Variants in ACBD5 observed in about 807,000 individuals in gnomAD.
ACBD5 encodes the protein acyl-CoA binding domain containing 5.
ACBD5 carries 40 observed loss-of-function variants against 71.8 expected under a neutral mutation model. The observed-to-expected ratio is 0.56, with a 90% CI of 0.43 to 0.72. The LOEUF is 0.72. Among genes scored for constraint, ACBD5 ranks in the 30% least tolerant of loss-of-function variants. ACBD5 has a pLI of 0.00. For missense variants in ACBD5, 559 were observed against 644.5 expected (o/e 0.87, Z 1.44); for synonymous variants, 229 against 218.6 (o/e 1.05, Z -0.42).
chr10:27,206,090 CAG>C, intron 10 of ACBD5, among the ~76,000 whole-genome samples: 1 of 151,882 alleles, frequency 6.6e-6, no homozygotes. Flanking sequence ...TTGGTAGACA[CAG>C]GGTCTTGCCA....
Position 27,235,107 on chromosome 10 carries a change from A to T in ACBD5, c.287T>A (p.Ile96Asn). The T allele has an allele frequency of 6.2e-7, 1 of 1,613,980 alleles. No individual in the cohort carries two copies. The highest frequency in any genetic ancestry group is 1.1e-5 in the South Asian group (1 of 91,078). The stretch of plus-strand genomic sequence containing the variant: ...AAAAAATTACCATTTATATCTTCCA[A>T]TAGGATCCCAAAATCCAGGCCTTGA... ...KLSRPGFWDP[I>N]GRYKWDAWSS... is the part of the protein sequence containing the mutation. Residue 96 changes from isoleucine to asparagine, a missense_variant, in exon 3 of 13, where the codon ATT becomes AAT. By Grantham distance (149) the Ile-to-Asn change is moderately radical (BLOSUM62 -3). Transcript: ENST00000396271.
rs577071045 is a variant in ACBD5 at position 27,204,544 on chromosome 10, T to C, written c.1461A>G (p.Pro487=). 5 of 1,613,358 alleles carry C rather than the reference T, an allele frequency of 3.1e-6. No individual in the cohort carries two copies. The highest frequency in any genetic ancestry group is 2.7e-5 in the African/African-American group (2 of 75,026). Residue 487 remains proline, a synonymous_variant, in exon 12 of 13, where the codon CCA becomes CCG. Coordinates refer to ENST00000396271, the MANE Select transcript of ACBD5 (RefSeq NM_145698.5). ...GAGACATCTCGAAGGGCCACCAAGA[T>C]GGTCTCTGAGAAAATACAATAAGCT... ...QTAPQPTSQR[P]SWWPFEMSPG...
At chr10:27,194,655 G>A (rs2059237645), downstream of ACBD5, among the ~76,000 whole-genome samples, 2 of 87,196 alleles carry the variant, frequency 2.3e-5, no homozygotes, top group Admixed American at 1.1e-4. Flanking sequence ...TAATAAGATG[G>A]TTGATTAGGG....
rs2059409192 is a variant in ACBD5 at position 27,196,659 on chromosome 10, T to C, written c.*771A>G. ...GATATCCTCAGTTAAACAAAAATGA[T>C]TACAAAGGAATACATTTATATGATT... is the stretch of plus-strand genomic sequence containing the variant. On this transcript the variant is annotated 3_prime_UTR_variant, in exon 13 of 13. Transcript: ENST00000396271. The C allele has an allele frequency of 2.2e-6, 1 of 454,332 alleles. No individual in the cohort carries two copies. The highest frequency in any genetic ancestry group is 1.6e-5 in the South Asian group (1 of 64,474). 28.1% of individuals were successfully genotyped at this position (454,332 alleles called of 1,614,324 possible). A position where few individuals can be genotyped will look rare whatever the true frequency, so the allele number is the denominator to read the frequency against.
chr10:27,239,154 A>T (rs2065142580), intron 2 of ACBD5, among the ~76,000 whole-genome samples: 1 of 152,158 alleles, frequency 6.6e-6, no homozygotes, highest in Non-Finnish European at 1.5e-5. Context: ...CTGAGATTGT[A>T]CCATTGCACT....
intron 13 of ACBD5, among the ~76,000 whole-genome samples, chr10:27,189,551 T>A (rs1482013821): frequency 7.0e-6 from 1 of 142,868 alleles, no homozygotes; most frequent in African/African-American, 2.6e-5. Context: ...ATGTTCTCAC[T>A]CATAGGTGGG....
At chr10:27,184,828 T>C (rs1480270837) in intron 13 of ACBD5, among the ~76,000 whole-genome samples, 1 of 152,130 alleles carries the variant, frequency 6.6e-6, no homozygotes, top group Non-Finnish European at 1.5e-5. Context: ...CCCAAAGTGC[T>C]GGGATTACAG....
At chr10:27,232,408 A>T (rs2064004625) in intron 3 of ACBD5, 1 of 148,548 alleles carries the variant, frequency 6.7e-6, no homozygotes, top group Non-Finnish European at 1.5e-5. Context: ...GGCTCACTGC[A>T]ACCTCCACTT....
rs147704366 is a variant in ACBD5 at position 27,187,442 on chromosome 10, A to G, written c.1494-4727T>C. ...AATTTCTATTGGTGCGTAGTCCACAATATGTATTTGTTTAAAATGGTACTG... is the reference window on the plus strand; with the variant it reads ...AATTTCTATTGGTGCGTAGTCCACAGTATGTATTTGTTTAAAATGGTACTG... On this transcript the variant is annotated intron_variant, in intron 13 of 13. Coordinates refer to the ACBD5 transcript ENST00000676511. 3.6e-3 allele frequency among the ~76,000 whole-genome samples: 547 copies of G among 152,278 alleles called. 4 individuals carry two copies. The highest frequency in any genetic ancestry group is 0.023 in the South Asian group (113 of 4,826).
At chr10:27,194,160 A>G (rs1309427911), downstream of ACBD5, among the ~76,000 whole-genome samples, 1 of 151,734 alleles carries the variant, frequency 6.6e-6, no homozygotes, top group Non-Finnish European at 1.5e-5. Context: ...CTGAGGCAGG[A>G]GAATCACTTG....
In ACBD5 at chr10:27,240,770, A is replaced by G; in HGVS notation, c.-82T>C. The G allele has an allele frequency of 1.3e-6, 2 of 1,542,438 alleles. No individual in the cohort carries two copies. The highest frequency in any genetic ancestry group is 1.8e-6 in the Non-Finnish European group (2 of 1,140,424). On this transcript the variant is annotated 5_prime_UTR_variant, in exon 1 of 13. Transcript: ENST00000396271. This position sits in a 1 kb window ranked among gnomAD's most constrained non-coding sequence, Gnocchi z 4.1. ...CCCTGGGGACCCTGGCGGAGCAGCCACACCCCCCATTCCGCCGGAGTCCGT... is the reference window on the plus strand; with the variant it reads ...CCCTGGGGACCCTGGCGGAGCAGCCGCACCCCCCATTCCGCCGGAGTCCGT...
chr10:27,223,840 G>T (rs2062674102), intron 4 of ACBD5, among the ~76,000 whole-genome samples: 1 of 151,920 alleles, frequency 6.6e-6, no homozygotes, highest in East Asian at 1.9e-4. Context: ...AGCCTGGGAG[G>T]TCGAGGCTAC....
At chr10:27,198,476 T>G (rs1178901132) in intron 12 of ACBD5, among the ~76,000 whole-genome samples, 1 of 152,224 alleles carries the variant, frequency 6.6e-6, no homozygotes, top group East Asian at 1.9e-4. Flanking sequence ...AATACCCTTA[T>G]GCAACTCCTT....
intron 12 of ACBD5, among the ~76,000 whole-genome samples, chr10:27,201,094 T>C (rs905996569): frequency 2.0e-5 from 3 of 152,106 alleles, no homozygotes; most frequent in African/African-American, 7.2e-5. Context: ...GCCCAGGAGT[T>C]TGAGGCTGCA....
At chr10:27,218,334 AAATG>A in intron 6 of ACBD5, 151 bp from the exon 7 acceptor site, 1 of 709,212 alleles carries the variant, frequency 1.4e-6, no homozygotes, top group South Asian at 1.6e-5. Flanking sequence ...GTGCTCCTTG[AAATG>A]GGGTTTACTA....
Position 27,198,762 on chromosome 10 carries a change from T to G in ACBD5, c.1566-1320A>C, listed in dbSNP as rs552080605. On this transcript the variant is annotated intron_variant, in intron 12 of 12. Coordinates refer to ENST00000396271, the MANE Select transcript of ACBD5 (RefSeq NM_145698.5). The stretch of plus-strand genomic sequence containing the variant: ...AGGGTGCCTGAACAATTAGCAACAC[T>G]TATTAAGAATCTGCGGGATGCAGAT... Among the ~76,000 whole-genome samples the G allele has an allele frequency of 1.4e-3, 214 of 152,292 alleles. 2 individuals carry two copies. Among genetic ancestry groups the G allele is most frequent in the Non-Finnish European group, 2.1e-3 (144 of 68,024 alleles).
intron 3 of ACBD5, 55 bp downstream of exon 3, chr10:27,235,037 T>G (rs1439246992): frequency 1.3e-6 from 2 of 1,547,324 alleles, no homozygotes; most frequent in Non-Finnish European, 1.8e-6. Context: ...AATAGCCATA[T>G]GATAATTATG....
chr10:27,235,700 G>T (rs1263615126), intron 2 of ACBD5, among the ~76,000 whole-genome samples: 1 of 152,168 alleles, frequency 6.6e-6, no homozygotes, highest in Non-Finnish European at 1.5e-5. Flanking sequence ...GGTAGAAAAA[G>T]AATTAATCTA....
chr10:27,228,805 A>ATT (rs1564691008), intron 4 of ACBD5, among the ~76,000 whole-genome samples: 1 of 4,600 alleles, frequency 2.2e-4, no homozygotes, highest in African/African-American at 4.1e-4. Flanking sequence ...ATATATATAT[A>ATT]TATATATATA....
Sources: allele counts gnomAD v4.1 joint callset (sites outside exome capture counted in the v4.1 genomes callset), GRCh38; gene constraint gnomAD v4.1.1; non-coding constraint Gnocchi (gnomAD v3.1); transcripts MANE v1.5; gene names NCBI Gene and HGNC (gene_info 2026-07-23, HGNC 2026-07-21).